The following AGBL1 variants were observed in gnomAD, a reference collection of about 807,000 sequenced individuals.
The protein encoded by AGBL1 is cytosolic carboxypeptidase 4.
A neutral mutation model predicts 118.9 loss-of-function variants in AGBL1; 130 were observed. The observed-to-expected ratio is 1.09, with a 90% CI of 0.95 to 1.26. The LOEUF (loss-of-function observed/expected upper bound fraction) is 1.26. Ranked by LOEUF, AGBL1 falls within the 50% of genes most tolerant of loss-of-function variation. The pLI is 0.00. For missense variants in AGBL1, 1,584 were observed against 1,298.1 expected (o/e 1.22, Z -3.38); for synonymous variants, 555 against 478.9 (o/e 1.16, Z -2.08).
At chr15:86,132,700 C>T (rs377702221) in intron 1 of AGBL1, among the ~76,000 whole-genome samples, 17 of 152,212 alleles carry the variant, frequency 1.1e-4, no homozygotes, top group African/African-American at 2.9e-4. Flanking sequence ...TTATGATGAC[C>T]GGAGACTTTG....
At chr15:86,539,810 G>C (rs2083470329) in intron 19 of AGBL1, among the ~76,000 whole-genome samples, 1 of 152,148 alleles carries the variant, frequency 6.6e-6, no homozygotes, top group Non-Finnish European at 1.5e-5. Flanking sequence ...AGTGCAATGT[G>C]AATGCTGCCC....
intron 22 of AGBL1, among the ~76,000 whole-genome samples, chr15:86,676,929 C>T (rs959247137): frequency 5.3e-5 from 8 of 152,016 alleles, no homozygotes; most frequent in South Asian, 2.1e-4. Context: ...GGTAAAACCC[C>T]GTCTTGAACC....
chr15:86,630,373 G>A (rs1005064779), intron 21 of AGBL1: 2 of 152,214 alleles, frequency 1.3e-5, no homozygotes, highest in East Asian at 1.9e-4. Context: ...ACACCTGAAT[G>A]GCTCTGTCAT....
chr15:86,513,641 T>C (rs2083079485), intron 18 of AGBL1, among the ~76,000 whole-genome samples: 1 of 152,072 alleles, frequency 6.6e-6, no homozygotes, highest in Non-Finnish European at 1.5e-5. Context: ...ATTACTGTGA[T>C]GTTTGTCAAA....
intron 22 of AGBL1, among the ~76,000 whole-genome samples, chr15:86,906,690 G>A (rs979525450): frequency 1.6e-4 from 25 of 152,066 alleles, no homozygotes; most frequent in Non-Finnish European, 1.6e-4. Flanking sequence ...TTCACTTAAA[G>A]CCTAAACTAC....
chr15:86,138,856 T>C (rs766068454), intron 1 of AGBL1, among the ~76,000 whole-genome samples: 49 of 152,308 alleles, frequency 3.2e-4, no homozygotes, highest in South Asian at 8.3e-4. Flanking sequence ...TACAGGTCTA[T>C]CCAGAAATGT....
In AGBL1 at chr15:86,925,540, CAG is replaced by C. The variant is rs2080527140; in HGVS notation, c.3222-62443_3222-62442del. 3.3e-5 allele frequency among the ~76,000 whole-genome samples: 5 copies of C among 152,204 alleles called. 1 individual carries two copies. The South Asian group carries it at 1.0e-3, about 32-fold the overall frequency. The stretch of plus-strand genomic sequence containing the variant: ...AACGTCAGTGCTCTCCTTTATATCT[CAG>C]AGAATGTAGAGAGCTTCTATGCATT... On this transcript the variant is annotated intron_variant, in intron 23 of 24. Coordinates refer to the AGBL1 transcript ENST00000441037.
At chr15:86,399,213 CAG>C (rs2141993858) in intron 18 of AGBL1, among the ~76,000 whole-genome samples, 1 of 152,258 alleles carries the variant, frequency 6.6e-6, no homozygotes, top group South Asian at 2.1e-4. Flanking sequence ...CCTGGTCAAA[CAG>C]AACTCAGCCG....
chr15:86,331,944 T>C (rs986631573), intron 17 of AGBL1, among the ~76,000 whole-genome samples: 20 of 152,284 alleles, frequency 1.3e-4, no homozygotes, highest in Middle Eastern at 3.4e-3. Context: ...TAATCATTAG[T>C]TGTCTAAGTG....
At chr15:86,817,494 AGG>A (rs746519695) in intron 22 of AGBL1, among the ~76,000 whole-genome samples, 2 of 147,924 alleles carry the variant, frequency 1.4e-5, no homozygotes, top group East Asian at 4.1e-4. Flanking sequence ...ACACACACAG[AGG>A]AGAGAGAGAG....
intron 22 of AGBL1, among the ~76,000 whole-genome samples, chr15:86,725,451 GGGTGAAGT>G (rs2142734101): frequency 6.6e-6 from 1 of 152,274 alleles, no homozygotes; most frequent in South Asian, 2.1e-4. Flanking sequence ...AGCAGAGCAT[GGGTGAAGT>G]CTGAAAGGTA....
chr15:86,785,775 T>C (rs1251300699), intron 22 of AGBL1, among the ~76,000 whole-genome samples: 2 of 152,070 alleles, frequency 1.3e-5, no homozygotes, highest in African/African-American at 2.4e-5. Flanking sequence ...TCACAAGAAA[T>C]AAATCAGGTA....
At chr15:86,460,685 T>C (rs2082324227) in intron 18 of AGBL1, among the ~76,000 whole-genome samples, 1 of 152,174 alleles carries the variant, frequency 6.6e-6, no homozygotes, top group African/African-American at 2.4e-5. Context: ...AAGTCAGAGA[T>C]ACTCTGCCAA....
chr15:86,143,887 T>G, intron 3 of AGBL1, 42 bp downstream of exon 3: 1 of 1,599,332 alleles, frequency 6.3e-7, no homozygotes, highest in Non-Finnish European at 8.5e-7. Context: ...AAAAGGCACT[T>G]CTAGGGTTGT....
chr15:86,810,869 C>A (rs2078779407), intron 22 of AGBL1, among the ~76,000 whole-genome samples: 1 of 152,138 alleles, frequency 6.6e-6, no homozygotes, highest in South Asian at 2.1e-4. Flanking sequence ...AAGATTCAGG[C>A]CACACCTCAA....
chr15:86,883,345 C>A (rs570302130), intron 22 of AGBL1, among the ~76,000 whole-genome samples: 1 of 152,192 alleles, frequency 6.6e-6, no homozygotes, highest in Non-Finnish European at 1.5e-5. Flanking sequence ...GCTTCAAGTC[C>A]CACCAGAATC....
At chr15:86,306,978 C>T (rs1285056229) in intron 17 of AGBL1, among the ~76,000 whole-genome samples, 1 of 152,118 alleles carries the variant, frequency 6.6e-6, no homozygotes, top group Non-Finnish European at 1.5e-5. Context: ...TGAGAAATGT[C>T]TATTTAAATC....
intron 2 of AGBL1, among the ~76,000 whole-genome samples, 164 bp from the exon 3 acceptor site, chr15:86,143,535 A>G (rs1221939304): frequency 1.3e-5 from 2 of 152,220 alleles, no homozygotes; most frequent in East Asian, 1.9e-4. Context: ...TCTTCCCTTA[A>G]CTGATAGTAC....
chr15:86,236,251 G>T (rs2078540094), intron 6 of AGBL1, among the ~76,000 whole-genome samples: 1 of 151,928 alleles, frequency 6.6e-6, no homozygotes, highest in African/African-American at 2.4e-5. Context: ...GGGGCACACA[G>T]TATGGCAACC....
Sources: gnomAD v4.1 joint callset for allele counts (sites outside exome capture counted in the v4.1 genomes callset) on GRCh38, gnomAD v4.1.1 for gene constraint, MANE v1.5 for transcripts, NCBI Gene and HGNC (gene_info 2026-07-23, HGNC 2026-07-21) for gene names.